Variants in MAP4K4 observed in about 807,000 individuals in gnomAD.
The protein encoded by MAP4K4 is mitogen-activated protein kinase kinase kinase kinase 4, also known as HPK/GCK-like kinase HGK.
In MAP4K4, 38 loss-of-function variants were observed where a neutral mutation model predicts 189.6. That is an observed-to-expected ratio of 0.20 (90% CI 0.15 to 0.26). The LOEUF is 0.26. Among genes scored for constraint, MAP4K4 ranks in the 10% least tolerant of loss-of-function variants. The pLI, the probability that MAP4K4 is intolerant of heterozygous loss-of-function variation, is 1.00. For missense variants in MAP4K4, 1,054 were observed against 1,726.9 expected (o/e 0.61, Z 6.91); for synonymous variants, 610 against 624.3 (o/e 0.98, Z 0.34).
intron 2 of MAP4K4, among the ~76,000 whole-genome samples, chr2:101,757,011 A>C (rs982745579): frequency 1.3e-5 from 2 of 152,178 alleles, no homozygotes; most frequent in Non-Finnish European, 2.9e-5. Context: ...ATTTAACTTC[A>C]TGCAGAGCAC....
intron 3 of MAP4K4, among the ~76,000 whole-genome samples, chr2:101,814,061 A>G (rs1487928394): frequency 6.6e-6 from 1 of 152,186 alleles, no homozygotes; most frequent in African/African-American, 2.4e-5. Context: ...TGAAGGCATG[A>G]TGACTGGTGC....
At chr2:101,819,933 G>A (rs115420831) in intron 3 of MAP4K4, among the ~76,000 whole-genome samples, 24 of 152,288 alleles carry the variant, frequency 1.6e-4, no homozygotes, top group African/African-American at 5.5e-4. Context: ...ATGGTGCCAT[G>A]GTGATCTGCC....
intron 2 of MAP4K4, among the ~76,000 whole-genome samples, chr2:101,781,682 C>T (rs1273296746): frequency 6.6e-6 from 1 of 152,216 alleles, no homozygotes; most frequent in Non-Finnish European, 1.5e-5. Context: ...AACACTGTTG[C>T]ATTGGTAATC....
intron 2 of MAP4K4, among the ~76,000 whole-genome samples, chr2:101,702,149 G>A (rs935649142): frequency 1.1e-4 from 16 of 152,182 alleles, no homozygotes; most frequent in African/African-American, 3.1e-4. Context: ...ACAGGCATGA[G>A]CCACTGCACC....
At chr2:101,730,958 A>G (rs983417924) in intron 2 of MAP4K4, among the ~76,000 whole-genome samples, 3 of 151,674 alleles carry the variant, frequency 2.0e-5, no homozygotes, top group Admixed American at 2.0e-4. Context: ...GCGCAGGAGA[A>G]TAGTGTGAAC....
At chr2:101,697,972 G>T (rs2035201292) in exon 1 of MAP4K4, 24 of 647,996 alleles carry the variant, frequency 3.7e-5, no homozygotes, top group Non-Finnish European at 5.0e-5. Context: ...GTACCGGGCC[G>T]GCTCGGCTGC....
intron 10 of MAP4K4, among the ~76,000 whole-genome samples, chr2:101,840,216 C>G (rs551145775): frequency 3.9e-5 from 6 of 152,206 alleles, no homozygotes; most frequent in Admixed American, 2.0e-4. Flanking sequence ...GCAAATAGAT[C>G]GGCATTGCGA....
Position 101,890,611 on chromosome 2 carries a change from A to T in MAP4K4, c.4072-555A>T, listed in dbSNP as rs185927302. ...GCTGGGATTACAGGAGCCCACCACC[A>T]TGCCCAGCTAATTTTTTGTGTTTTT... On this transcript the variant is annotated intron_variant, in intron 32 of 32. Coordinates refer to ENST00000324219, the Ensembl canonical transcript of MAP4K4. Among the ~76,000 whole-genome samples, 29 of 152,006 alleles carry T rather than the reference A, an allele frequency of 1.9e-4. No homozygotes were observed. In the East Asian group the frequency reaches 4.6e-3, roughly 24 times the overall value.
intron 3 of MAP4K4, among the ~76,000 whole-genome samples, chr2:101,815,575 TTTAG>T (rs962673944): frequency 2.2e-4 from 34 of 152,312 alleles, no homozygotes; most frequent in East Asian, 7.7e-4. Context: ...CCTGGTAATT[TTTAG>T]TTAGATTCCA....
chr2:101,717,175 A>G lies in MAP4K4; in HGVS notation c.123+18637A>G, dbSNP rs370948792. On this transcript the variant is annotated intron_variant, in intron 2 of 32. Coordinates refer to ENST00000324219, the Ensembl canonical transcript of MAP4K4. Reference sequence around the variant, plus strand: ...ACCTTAATTCATGGATGGCAACACCAACACTCTACCTGCTTTTCTTAGCTC... The same window carrying G: ...ACCTTAATTCATGGATGGCAACACCGACACTCTACCTGCTTTTCTTAGCTC... Among the ~76,000 whole-genome samples, 37 of 152,294 alleles carry G rather than the reference A, an allele frequency of 2.4e-4. No individual in the cohort carries two copies. In the East Asian group the frequency reaches 5.6e-3, roughly 23 times the overall value.
At chr2:101,726,578 C>T (rs1019229902) in intron 2 of MAP4K4, among the ~76,000 whole-genome samples, 11 of 152,156 alleles carry the variant, frequency 7.2e-5, no homozygotes, top group East Asian at 3.8e-4. Context: ...ACTTTTCTCT[C>T]CTGAAGTTGG....
chr2:101,737,739 A>G (rs2061037539), intron 2 of MAP4K4, among the ~76,000 whole-genome samples: 1 of 151,760 alleles, frequency 6.6e-6, no homozygotes, highest in Non-Finnish European at 1.5e-5. Context: ...ATAAAGTTTG[A>G]AAAGGAAAAA....
rs920325974 is a variant in MAP4K4 at position 101,715,751 on chromosome 2, G to A, written c.123+17213G>A. 3.3e-5 allele frequency among the ~76,000 whole-genome samples: 5 copies of A among 152,052 alleles called. No individual in the cohort carries two copies. In the East Asian group the frequency reaches 5.8e-4, roughly 18 times the overall value. ...AGGGTCTTCTAATCCAGGGGTCCCCGACTTCTGAGTTTCAGACAAGTACTG... is the reference window on the plus strand; with the variant it reads ...AGGGTCTTCTAATCCAGGGGTCCCCAACTTCTGAGTTTCAGACAAGTACTG... On this transcript the variant is annotated intron_variant, in intron 2 of 32. Transcript: ENST00000324219.
At chr2:101,839,747 T>C in intron 9 of MAP4K4, 72 bp from the exon 10 acceptor site, 8 of 1,170,364 alleles carry the variant, frequency 6.8e-6, no homozygotes, top group Non-Finnish European at 9.5e-6. Context: ...ATGTTGAGGC[T>C]TGTAAGTTAC....
exon 15 of MAP4K4, chr2:101,859,822 C>T (rs190128622): frequency 5.6e-5 from 90 of 1,610,104 alleles, no homozygotes; most frequent in Middle Eastern, 5.0e-4. Context: ...TCCATGCTCC[C>T]GAGCCCAAAG....
At chr2:101,856,345 A>G (rs1377703740) in intron 13 of MAP4K4, among the ~76,000 whole-genome samples, 1 of 152,234 alleles carries the variant, frequency 6.6e-6, no homozygotes, top group Non-Finnish European at 1.5e-5. Context: ...AAAAGGGTTT[A>G]TAAATCATTA....
intron 2 of MAP4K4, among the ~76,000 whole-genome samples, chr2:101,726,328 A>G: frequency 6.6e-6 from 1 of 152,190 alleles, no homozygotes; most frequent in Non-Finnish European, 1.5e-5. Flanking sequence ...AACTGATGTA[A>G]GCATCACTGT....
intron 3 of MAP4K4, among the ~76,000 whole-genome samples, chr2:101,811,724 A>G (rs1440389458): frequency 6.6e-6 from 1 of 152,178 alleles, no homozygotes; most frequent in Non-Finnish European, 1.5e-5. Flanking sequence ...TACTGAATGC[A>G]TTTATACCAA....
At chr2:101,741,217 G>T (rs1426768623) in intron 2 of MAP4K4, among the ~76,000 whole-genome samples, 1 of 148,794 alleles carries the variant, frequency 6.7e-6, no homozygotes, top group East Asian at 2.0e-4. Flanking sequence ...GCCCAGGCTG[G>T]AGTGCAGTGG....
Sources: gnomAD v4.1 joint callset for allele counts (sites outside exome capture counted in the v4.1 genomes callset) on GRCh38, gnomAD v4.1.1 for gene constraint, MANE v1.5 for transcripts, NCBI Gene and HGNC (gene_info 2026-07-23, HGNC 2026-07-21) for gene names.